Variants in PCDHGA9 observed in about 807,000 individuals in gnomAD.
The protein encoded by PCDHGA9 is protocadherin gamma-A9.
In PCDHGA9, 37 loss-of-function variants were observed where a neutral mutation model predicts 62.5. The observed-to-expected ratio is 0.59, with a 90% CI of 0.46 to 0.78. The LOEUF is 0.78. Among genes scored for constraint, PCDHGA9 ranks in the 30% least tolerant of loss-of-function variants. The pLI, the probability that PCDHGA9 is intolerant of heterozygous loss-of-function variation, is 0.00. For missense variants in PCDHGA9, 1,138 were observed against 1,166.2 expected (o/e 0.98, Z 0.35); for synonymous variants, 459 against 484.6 (o/e 0.95, Z 0.69).
intron 1 of PCDHGA9, chr5:141,417,644 A>G (rs2096142506): frequency 3.9e-6 from 3 of 779,086 alleles, no homozygotes; most frequent in Non-Finnish European, 5.8e-6. Context: ...GGGATCCCTC[A>G]GCCTCTAGCC....
intron 1 of PCDHGA9, among the ~76,000 whole-genome samples, chr5:141,480,693 G>C (rs1488899685): frequency 2.6e-5 from 4 of 152,096 alleles, no homozygotes; most frequent in Non-Finnish European, 5.9e-5. Context: ...CTGAAACCCA[G>C]GCCACACCCC....
At chr5:141,425,209 A>ATCAT (rs1368049572) in intron 1 of PCDHGA9, among the ~76,000 whole-genome samples, 2 of 152,180 alleles carry the variant, frequency 1.3e-5, no homozygotes, top group Admixed American at 1.3e-4. Flanking sequence ...GATGTAAGGC[A>ATCAT]TTGTACTTTG....
At chr5:141,444,002 C>T (rs2098413409) in intron 1 of PCDHGA9, among the ~76,000 whole-genome samples, 1 of 151,918 alleles carries the variant, frequency 6.6e-6, no homozygotes, top group African/African-American at 2.4e-5. Flanking sequence ...TAAATGCTAC[C>T]TGGGTATTGG....
At chr5:141,454,953 G>A (rs1304192945) in intron 1 of PCDHGA9, among the ~76,000 whole-genome samples, 4 of 150,686 alleles carry the variant, frequency 2.7e-5, no homozygotes, top group Admixed American at 6.6e-5. Context: ...GACTACAGGC[G>A]CCGGCCACCA....
chr5:141,403,774 C>A lies in PCDHGA9; in HGVS notation c.822C>A (p.Asn274Lys), dbSNP rs1350465491. 6.2e-7 allele frequency: 1 copy of A among 1,613,786 alleles called. No homozygotes were observed. The highest frequency in any genetic ancestry group is 8.5e-7 in the Non-Finnish European group (1 of 1,179,884). Residue 274 changes from asparagine to lysine, a missense_variant, in exon 1 of 4, where the codon AAC (asparagine) becomes AAA (lysine). Asn to Lys is a moderately conservative substitution (Grantham distance 94). Coordinates refer to ENST00000573521, the MANE Select transcript of PCDHGA9 (RefSeq NM_018921.3). Reference sequence around the variant, plus strand: ...CCAGCGACCTGGATGAGGGAATCAACGGAAAAGTGGCATACAAATTCTGGA... The same window carrying A: ...CCAGCGACCTGGATGAGGGAATCAAAGGAAAAGTGGCATACAAATTCTGGA... ...ATASDLDEGI[N>K]GKVAYKFWKI...
chr5:141,492,870 C>G (rs2099744684), intron 1 of PCDHGA9, among the ~76,000 whole-genome samples: 1 of 152,192 alleles, frequency 6.6e-6, no homozygotes, highest in African/African-American at 2.4e-5. Flanking sequence ...TGGCTCTCAA[C>G]CCCCAGAGAT....
At chr5:141,456,635 A>G (rs558958846) in intron 1 of PCDHGA9, among the ~76,000 whole-genome samples, 17 of 152,194 alleles carry the variant, frequency 1.1e-4, no homozygotes, top group Non-Finnish European at 2.2e-4. Context: ...CTTCTTTACT[A>G]CAGGTGTTAA....
chr5:141,439,428 C>T (rs1191911600), intron 1 of PCDHGA9, among the ~76,000 whole-genome samples: 1 of 152,170 alleles, frequency 6.6e-6, no homozygotes, highest in Non-Finnish European at 1.5e-5. Flanking sequence ...TATAAATTCC[C>T]AGGAATATTT....
intron 1 of PCDHGA9, among the ~76,000 whole-genome samples, chr5:141,470,181 A>G (rs974401154): frequency 3.9e-5 from 6 of 152,236 alleles, no homozygotes; most frequent in African/African-American, 9.6e-5. Flanking sequence ...AAAATATTCA[A>G]GTAAACTTCA....
chr5:141,415,866 T>A, intron 1 of PCDHGA9: 1 of 1,115,266 alleles, frequency 9.0e-7, no homozygotes, highest in Non-Finnish European at 1.2e-6. Context: ...GTTTATAGTG[T>A]TGTTGAGTAC....
At chr5:141,427,306 A>G (rs1023837851) in intron 1 of PCDHGA9, 6 of 456,826 alleles carry the variant, frequency 1.3e-5, no homozygotes, top group African/African-American at 1.2e-4. Flanking sequence ...GAGAATGACA[A>G]TGCCCCAGAC....
intron 2 of PCDHGA9, among the ~76,000 whole-genome samples, chr5:141,503,077 T>C (rs902429288): frequency 6.6e-6 from 1 of 151,810 alleles, no homozygotes; most frequent in African/African-American, 2.4e-5. Flanking sequence ...ATGGTCTCGA[T>C]CTCCTGACCT....
intron 1 of PCDHGA9, among the ~76,000 whole-genome samples, chr5:141,467,330 G>T (rs1335387199): frequency 6.6e-6 from 1 of 152,138 alleles, no homozygotes; most frequent in East Asian, 1.9e-4. Context: ...TGGGATTAGA[G>T]ACGTAAGCCA....
intron 1 of PCDHGA9, among the ~76,000 whole-genome samples, chr5:141,437,976 T>G (rs1182220385): frequency 1.3e-5 from 2 of 152,096 alleles, no homozygotes; most frequent in Non-Finnish European, 2.9e-5. Flanking sequence ...GATCTTGGGA[T>G]GCACCCACCC....
intron 1 of PCDHGA9, among the ~76,000 whole-genome samples, chr5:141,461,433 C>A (rs183800312): frequency 1.3e-5 from 2 of 151,970 alleles, no homozygotes; most frequent in Non-Finnish European, 1.5e-5. Context: ...CATTTGTATA[C>A]CTTCTTTTGA....
chr5:141,460,987 A>G (rs201722325), intron 1 of PCDHGA9, among the ~76,000 whole-genome samples: 34 of 92,988 alleles, frequency 3.7e-4, no homozygotes, highest in Middle Eastern at 5.0e-3. Flanking sequence ...GTGTGTGTAT[A>G]TATATATATG....
Position 141,485,418 on chromosome 5 carries a change from G to A in PCDHGA9, c.2425-9389G>A. ...CACTTCCGTGTGGATTTGGACAGCG[G>A]AGCCCTGCTCATCAAGAACCCAATC... On this transcript the variant is annotated intron_variant, in intron 1 of 3. Transcript: ENST00000573521. This position sits in a 1 kb window ranked among gnomAD's most constrained non-coding sequence, Gnocchi z 5.7. 6.2e-7 allele frequency: 1 copy of A among 1,614,174 alleles called. No homozygotes were observed. The highest frequency in any genetic ancestry group is 8.5e-7 in the Non-Finnish European group (1 of 1,180,042).
chr5:141,509,663 G>A (rs933532930), intron 3 of PCDHGA9, among the ~76,000 whole-genome samples: 1 of 152,140 alleles, frequency 6.6e-6, no homozygotes, highest in Non-Finnish European at 1.5e-5. Context: ...ACTTCTCTGG[G>A]CCCCAGTTTC....
chr5:141,482,622 A>G (rs1197606374), intron 1 of PCDHGA9, among the ~76,000 whole-genome samples: 1 of 151,936 alleles, frequency 6.6e-6, no homozygotes, highest in Non-Finnish European at 1.5e-5. Context: ...AGCCTGGAGA[A>G]AGGAAGAAAT....
Sources: allele counts gnomAD v4.1 joint callset (sites outside exome capture counted in the v4.1 genomes callset), GRCh38; gene constraint gnomAD v4.1.1; non-coding constraint Gnocchi (gnomAD v3.1); transcripts MANE v1.5; gene names NCBI Gene and HGNC (gene_info 2026-07-23, HGNC 2026-07-21).